The following RBFOX1 variants were observed in gnomAD, a reference collection of about 807,000 sequenced individuals.
RBFOX1 encodes RNA binding protein fox-1 homolog 1.
A neutral mutation model predicts 57.7 loss-of-function variants in RBFOX1; 8 were observed. The ratio of observed to expected loss-of-function variants is 0.14; its 90% CI spans 0.08 to 0.25. RBFOX1 has a LOEUF of 0.25. Among genes scored for constraint, RBFOX1 ranks in the 10% least tolerant of loss-of-function variants. The pLI, the probability that RBFOX1 is intolerant of heterozygous loss-of-function variation, is 1.00. For synonymous variants in RBFOX1, 326 were observed against 222.4 expected, an observed-to-expected ratio of 1.47 and a Z score of -4.15; for missense variants, 611 against 548.5, an observed-to-expected ratio of 1.11 and a Z score of -1.14.
At chr16:6,191,013 G>T (rs553558478) in intron 1 of RBFOX1, among the ~76,000 whole-genome samples, 2 of 151,974 alleles carry the variant, frequency 1.3e-5, no homozygotes, top group South Asian at 4.2e-4. Context: ...CTGTCTGCTT[G>T]TGCATTTGAC....
Position 7,355,530 on chromosome 16 carries a change from G to A in RBFOX1, c.28-162617G>A, listed in dbSNP as rs368821215. 2.9e-4 allele frequency among the ~76,000 whole-genome samples: 44 copies of A among 152,184 alleles called. 1 individual carries two copies. The highest frequency in any genetic ancestry group is 2.3e-3 in the South Asian group (11 of 4,816). On this transcript the variant is annotated intron_variant, in intron 4 of 15. Transcript: ENST00000550418. The stretch of plus-strand genomic sequence containing the variant: ...GTATGTGTACAAGGACACCATGCAC[G>A]TGTGTTAAGCAAGTGGGATCTCATC...
chr16:5,920,167 C>G (rs1485340462), intron 4 of RBFOX1, among the ~76,000 whole-genome samples: 1 of 152,166 alleles, frequency 6.6e-6, no homozygotes, highest in South Asian at 2.1e-4. Context: ...ATCTCCTGAC[C>G]TTGTGATCCA....
chr16:5,288,881 C>A (rs541652026), intron 1 of RBFOX1, among the ~76,000 whole-genome samples: 1 of 121,400 alleles, frequency 8.2e-6, no homozygotes, highest in African/African-American at 2.7e-5. Context: ...AATCCCAGTA[C>A]TTTGGGAGGC....
intron 2 of RBFOX1, among the ~76,000 whole-genome samples, chr16:5,552,970 A>G (rs967021007): frequency 2.0e-5 from 3 of 152,176 alleles, no homozygotes; most frequent in Non-Finnish European, 2.9e-5. Flanking sequence ...GGATCAGTCC[A>G]TGTCCTTTAC....
intron 1 of RBFOX1, among the ~76,000 whole-genome samples, chr16:6,091,050 G>A (rs1195504572): frequency 6.6e-6 from 1 of 152,180 alleles, no homozygotes; most frequent in Non-Finnish European, 1.5e-5. Flanking sequence ...AATTCTTTCT[G>A]TTGGCAACTT....
At chr16:5,937,673 T>C (rs2059194691) in intron 4 of RBFOX1, among the ~76,000 whole-genome samples, 1 of 149,886 alleles carries the variant, frequency 6.7e-6, no homozygotes, top group African/African-American at 2.4e-5. Flanking sequence ...CTTTATAATA[T>C]ATAGTTATAT....
At chr16:7,491,103 T>C (rs1439509055) in intron 4 of RBFOX1, among the ~76,000 whole-genome samples, 1 of 152,126 alleles carries the variant, frequency 6.6e-6, no homozygotes, top group Non-Finnish European at 1.5e-5. Flanking sequence ...CAAATCTGGC[T>C]CTTAAATAAA....
Position 7,230,795 on chromosome 16 carries a change from C to T in RBFOX1, c.27+178697C>T, listed in dbSNP as rs570209317. 2.6e-5 allele frequency among the ~76,000 whole-genome samples: 4 copies of T among 152,282 alleles called. No homozygotes were observed. In the East Asian group the frequency reaches 5.8e-4, roughly 22 times the overall value. The stretch of plus-strand genomic sequence containing the variant: ...TCTGCTCTTCGGACATAAACTTTCC[C>T]CATTCTTTTTTGGTCAGTTTGTTTT... On this transcript the variant is annotated intron_variant, in intron 4 of 15. Coordinates refer to ENST00000550418, the MANE Select transcript of RBFOX1 (RefSeq NM_018723.4).
chr16:5,303,908 A>G (rs192981502), intron 1 of RBFOX1, among the ~76,000 whole-genome samples: 51 of 152,300 alleles, frequency 3.3e-4, no homozygotes, highest in Admixed American at 3.3e-3. Context: ...CAGCCTTTCA[A>G]ACAAGGCACC....
chr16:6,046,499 G>A (rs1351069976), intron 1 of RBFOX1, among the ~76,000 whole-genome samples: 1 of 152,152 alleles, frequency 6.6e-6, no homozygotes, highest in Admixed American at 6.5e-5. Context: ...CTAGAGCTTA[G>A]GGAAGAATTC....
chr16:5,458,513 A>C (rs2068696961), intron 1 of RBFOX1, among the ~76,000 whole-genome samples: 1 of 152,220 alleles, frequency 6.6e-6, no homozygotes, highest in Non-Finnish European at 1.5e-5. Flanking sequence ...TTAGAGATAA[A>C]TGAATCAGGT....
chr16:5,458,973 A>G lies in RBFOX1; in HGVS notation c.220-8243A>G, dbSNP rs949035679. Among the ~76,000 whole-genome samples the G allele has an allele frequency of 3.3e-5, 5 of 152,154 alleles. No homozygotes were observed. The East Asian group carries it at 5.8e-4, about 18-fold the overall frequency. On this transcript the variant is annotated intron_variant, in intron 1 of 2. Transcript: ENST00000585867. ...TTCCAGGCTCTTTTCTCCTCCATCA[A>G]GATGCTTCCATCTCTGTACCACTCT...
intron 4 of RBFOX1, among the ~76,000 whole-genome samples, chr16:7,058,737 A>C (rs539288291): frequency 6.6e-6 from 1 of 152,322 alleles, no homozygotes; most frequent in African/African-American, 2.4e-5. Flanking sequence ...ATTAACTTTT[A>C]TGTGTGACTG....
rs145252634 is a variant in RBFOX1, at chr16:6,845,694, T to C, written c.-16+191044T>C. ...AAATTTCAGAGATCTCACCAGAACG[T>C]TCCAGGCCTTGCTTCTCTGACACAG... On this transcript the variant is annotated intron_variant, in intron 3 of 15. Coordinates refer to ENST00000550418, the MANE Select transcript of RBFOX1 (RefSeq NM_018723.4). Among the ~76,000 whole-genome samples the C allele has an allele frequency of 5.0e-4, 76 of 152,270 alleles. 1 individual carries two copies. The highest frequency in any genetic ancestry group is 1.8e-3 in the African/African-American group (76 of 41,566).
intron 3 of RBFOX1, among the ~76,000 whole-genome samples, chr16:6,884,038 CTG>C (rs1221079740): frequency 6.6e-6 from 1 of 152,100 alleles, no homozygotes; most frequent in Non-Finnish European, 1.5e-5. Flanking sequence ...TTCTGACAAA[CTG>C]ATCCTGTTAA....
intron 1 of RBFOX1, among the ~76,000 whole-genome samples, chr16:5,314,641 C>T (rs1806768198): frequency 6.6e-6 from 1 of 152,112 alleles, no homozygotes; most frequent in South Asian, 2.1e-4. Context: ...GCTGGGACTA[C>T]AGGCATGCAC....
At chr16:5,542,687 G>T (rs1161232784) in intron 2 of RBFOX1, among the ~76,000 whole-genome samples, 1 of 152,160 alleles carries the variant, frequency 6.6e-6, no homozygotes, top group African/African-American at 2.4e-5. Context: ...TGGAGTTTTA[G>T]CAAGGAGAAT....
chr16:7,215,944 C>T (rs761377550), intron 4 of RBFOX1, among the ~76,000 whole-genome samples: 9 of 152,024 alleles, frequency 5.9e-5, no homozygotes, highest in Non-Finnish European at 1.0e-4. Context: ...AGGATGGTCT[C>T]GATTTCCTGA....
chr16:7,532,004 T>G (rs12443831), intron 5 of RBFOX1, among the ~76,000 whole-genome samples: 98,882 of 151,982 alleles, frequency 0.65, 35,993 homozygotes, highest in Non-Finnish European at 0.83. Context: ...CCAGAGAAAC[T>G]TGCTACAAGG....
Sources: allele counts gnomAD v4.1 joint callset (sites outside exome capture counted in the v4.1 genomes callset), GRCh38; gene constraint gnomAD v4.1.1; transcripts MANE v1.5; gene names NCBI Gene and HGNC (gene_info 2026-07-23, HGNC 2026-07-21).